The following OTUD7A variants were observed in gnomAD, a reference collection of about 807,000 sequenced individuals.
OTUD7A encodes OTU domain-containing protein 7A.
OTUD7A carries 12 observed loss-of-function variants against 65.7 expected under a neutral mutation model. The observed-to-expected ratio is 0.18, with a 90% confidence interval of 0.12 to 0.30. OTUD7A has a LOEUF of 0.30. Among genes scored for constraint, OTUD7A ranks in the 10% least tolerant of loss-of-function variants. The pLI, the probability that OTUD7A is intolerant of heterozygous loss-of-function variation, is 1.00. For missense variants in OTUD7A, 1,148 were observed against 1,304.8 expected (o/e 0.88, Z 1.85); for synonymous variants, 641 against 586.3 (o/e 1.09, Z -1.35).
chr15:31,728,399 GT>G (rs929043902), intron 1 of OTUD7A, among the ~76,000 whole-genome samples: 3 of 152,226 alleles, frequency 2.0e-5, no homozygotes, highest in Admixed American at 2.0e-4. Flanking sequence ...TCCATTTTCC[GT>G]TTAGTGATCT....
rs775788490 is a variant in OTUD7A at position 31,570,037 on chromosome 15, C to T, written c.312G>A (p.Arg104=). 1.6e-5 allele frequency: 26 copies of T among 1,614,018 alleles called. No individual in the cohort carries two copies. Among genetic ancestry groups the T allele is most frequent in the Non-Finnish European group, 2.2e-5 (26 of 1,180,044 alleles). ...CGGTACCTTGGGCAATGTCGTCCTG[C>T]CTCTGCAGGCAGGGTCGCTCCACCT... is the stretch of plus-strand genomic sequence containing the variant. ...GHKVERPCLQ[R]QDDIAQEKRL... Residue 104 remains arginine, a synonymous_variant, in exon 4 of 13, where the codon AGG becomes AGA. Transcript: ENST00000307050.
At chr15:31,775,902 G>C (rs1212618283) in intron 1 of OTUD7A, among the ~76,000 whole-genome samples, 2 of 152,188 alleles carry the variant, frequency 1.3e-5, no homozygotes, top group African/African-American at 4.8e-5. Flanking sequence ...ATTTCCAGCA[G>C]CAGTGCATTC....
chr15:31,530,473 CCTT>C (rs1320252789), intron 6 of OTUD7A, among the ~76,000 whole-genome samples: 2 of 152,216 alleles, frequency 1.3e-5, no homozygotes, highest in Non-Finnish European at 2.9e-5. Context: ...CTCAAGGCCT[CCTT>C]CTATCACGCC....
chr15:31,758,349 C>T (rs1408494611), intron 1 of OTUD7A, among the ~76,000 whole-genome samples: 3 of 152,200 alleles, frequency 2.0e-5, no homozygotes, highest in Admixed American at 6.5e-5. Flanking sequence ...CAGCCAAGAA[C>T]GGCCCTGCTG....
intron 1 of OTUD7A, among the ~76,000 whole-genome samples, chr15:31,809,810 A>C (rs941563979): frequency 3.3e-5 from 5 of 152,240 alleles, no homozygotes; most frequent in African/African-American, 1.2e-4. Flanking sequence ...CAGATTCCTA[A>C]ATAATACACA....
intron 3 of OTUD7A, among the ~76,000 whole-genome samples, chr15:31,611,258 G>A (rs569757149): frequency 2.6e-5 from 4 of 152,034 alleles, no homozygotes; most frequent in African/African-American, 9.6e-5. Flanking sequence ...AGAGAAACAA[G>A]AACAAACCAA....
At chr15:31,747,174 T>C (rs79694678) in intron 1 of OTUD7A, among the ~76,000 whole-genome samples, 311 of 152,260 alleles carry the variant, frequency 2.0e-3, no homozygotes, top group Non-Finnish European at 3.5e-3. Context: ...TTACTACTGG[T>C]AAAAGGAGTT....
intron 1 of OTUD7A, among the ~76,000 whole-genome samples, chr15:31,782,719 G>A (rs1346009204): frequency 1.3e-5 from 2 of 152,050 alleles, no homozygotes; most frequent in Non-Finnish European, 2.9e-5. Flanking sequence ...ATGACTGATT[G>A]GCTTGGGGGT....
intron 3 of OTUD7A, among the ~76,000 whole-genome samples, chr15:31,598,351 G>T (rs958876990): frequency 2.0e-5 from 3 of 152,170 alleles, no homozygotes; most frequent in East Asian, 3.9e-4. Flanking sequence ...CCCACAGAGG[G>T]CGAGCCGAAG....
intron 10 of OTUD7A, among the ~76,000 whole-genome samples, chr15:31,496,514 G>A (rs1050483157): frequency 7.2e-5 from 11 of 152,206 alleles, no homozygotes; most frequent in Admixed American, 2.0e-4. Context: ...GAGCCACCGC[G>A]CCCCGCCGAT....
chr15:31,610,608 TATATATA>T (rs1487317485), intron 3 of OTUD7A, among the ~76,000 whole-genome samples: 10 of 48,932 alleles, frequency 2.0e-4, no homozygotes, highest in African/African-American at 5.3e-4. Flanking sequence ...TATATATATA[TATATATA>T]TATTTTTTTT....
chr15:31,796,196 CTATCTATCTAT>C (rs1895953343), intron 1 of OTUD7A, among the ~76,000 whole-genome samples: 1 of 17,306 alleles, frequency 5.8e-5, no homozygotes, highest in Non-Finnish European at 4.1e-4. Context: ...CATTATCTAT[CTATCTATCTAT>C]CTATCTATCT....
At chr15:31,831,352 G>A (rs1375203497) in intron 1 of OTUD7A, among the ~76,000 whole-genome samples, 1 of 152,132 alleles carries the variant, frequency 6.6e-6, no homozygotes, top group Admixed American at 6.5e-5. Context: ...AAGTCAACAA[G>A]TACAACAAAC....
intron 5 of OTUD7A, among the ~76,000 whole-genome samples, chr15:31,543,814 C>T (rs1566912085): frequency 1.3e-5 from 2 of 151,790 alleles, no homozygotes. Context: ...AAGATTTTAA[C>T]ACATCTCTAT....
At chr15:31,763,085 C>T (rs1230618049) in intron 1 of OTUD7A, among the ~76,000 whole-genome samples, 1 of 152,120 alleles carries the variant, frequency 6.6e-6, no homozygotes, top group Non-Finnish European at 1.5e-5. Context: ...GAGTTCAAGA[C>T]CAGGTTGGCC....
At chr15:31,664,025 A>G (rs1467028609) in intron 1 of OTUD7A, among the ~76,000 whole-genome samples, 1 of 152,204 alleles carries the variant, frequency 6.6e-6, no homozygotes, top group Admixed American at 6.5e-5. Flanking sequence ...ATGGCCAACT[A>G]GTATTCCATT....
chr15:31,624,239 C>T lies in OTUD7A; in HGVS notation c.151+30857G>A, dbSNP rs533115128. 2.0e-5 allele frequency among the ~76,000 whole-genome samples: 3 copies of T among 152,314 alleles called. No homozygotes were observed. The East Asian group carries it at 5.8e-4, about 29-fold the overall frequency. On this transcript the variant is annotated intron_variant, in intron 3 of 12. Coordinates refer to ENST00000307050, the MANE Select transcript of OTUD7A (RefSeq NM_001382637.1). ...TATGATTCACTCAGTACAAATTTAACATTAAATTAAAATCAGTGGTACTTA... is the reference window on the plus strand; with the variant it reads ...TATGATTCACTCAGTACAAATTTAATATTAAATTAAAATCAGTGGTACTTA...
At chr15:31,617,826 C>T (rs1055385548) in intron 3 of OTUD7A, among the ~76,000 whole-genome samples, 4 of 151,952 alleles carry the variant, frequency 2.6e-5, no homozygotes, top group African/African-American at 9.7e-5. Flanking sequence ...ATGTGCACAA[C>T]ATGCAGGTTT....
intron 1 of OTUD7A, among the ~76,000 whole-genome samples, chr15:31,672,641 C>T (rs959727895): frequency 2.0e-5 from 3 of 152,220 alleles, no homozygotes; most frequent in Non-Finnish European, 4.4e-5. Flanking sequence ...CCAAAAGTCA[C>T]CATTGTTCCA....
Sources: gnomAD v4.1 joint callset for allele counts (sites outside exome capture counted in the v4.1 genomes callset) on GRCh38, gnomAD v4.1.1 for gene constraint, MANE v1.5 for transcripts, NCBI Gene and HGNC (gene_info 2026-07-23, HGNC 2026-07-21) for gene names.